CTNND2: variants seen among roughly 807,000 people sequenced by gnomAD.
CTNND2 encodes catenin delta-2.
CTNND2 carries 22 observed loss-of-function variants against 144.4 expected under a neutral mutation model. That is an observed-to-expected ratio of 0.15 (90% CI 0.11 to 0.22). The LOEUF is 0.22. Among genes scored for constraint, CTNND2 ranks in the 10% least tolerant of loss-of-function variants. The pLI, the probability that CTNND2 is intolerant of heterozygous loss-of-function variation, is 1.00. For missense variants in CTNND2, 1,353 were observed against 1,618.8 expected, an observed-to-expected ratio of 0.84 and a Z score of 2.82; for synonymous variants, 751 against 695.6, an observed-to-expected ratio of 1.08 and a Z score of -1.25.
At chr5:11,894,171 G>T (rs1737212270) in intron 1 of CTNND2, among the ~76,000 whole-genome samples, 1 of 151,996 alleles carries the variant, frequency 6.6e-6, no homozygotes, top group Non-Finnish European at 1.5e-5. Context: ...TTCTGATAAA[G>T]CCTCACAGGT....
chr5:11,527,071 G>A (rs182431391), intron 3 of CTNND2, among the ~76,000 whole-genome samples: 5 of 152,136 alleles, frequency 3.3e-5, no homozygotes, highest in Non-Finnish European at 4.4e-5. Flanking sequence ...AGGTGGGGTT[G>A]GGGGAGAGCA....
At chr5:11,698,131 G>A (rs557129538) in intron 2 of CTNND2, among the ~76,000 whole-genome samples, 15 of 152,226 alleles carry the variant, frequency 9.9e-5, no homozygotes, top group African/African-American at 3.6e-4. Context: ...AGGTGGCTTA[G>A]ACCAGAGTAA....
rs376879015 is a variant in CTNND2, at chr5:10,992,538, G to A, written c.3211+13C>T. The A allele has an allele frequency of 1.6e-5, 26 of 1,613,508 alleles. No homozygotes were observed. In the East Asian group the frequency reaches 2.7e-4, roughly 17 times the overall value. ...AAATAAAGCCTGGCTGGCTAGCCAC[G>A]GCAGCCTCTTACCTGAGCGGTTGTT... On this transcript the variant is annotated intron_variant, in intron 19 of 21. Transcript: ENST00000304623.
intron 11 of CTNND2, among the ~76,000 whole-genome samples, chr5:11,170,379 T>A (rs1759775777): frequency 6.6e-6 from 1 of 152,210 alleles, no homozygotes; most frequent in Non-Finnish European, 1.5e-5. Context: ...AACATTCAGT[T>A]TTATATGTTT....
intron 1 of CTNND2, among the ~76,000 whole-genome samples, chr5:11,827,244 AAGTC>A (rs2126954103): frequency 6.6e-6 from 1 of 152,308 alleles, no homozygotes; most frequent in African/African-American, 2.4e-5. Context: ...TCAAAGAAGA[AAGTC>A]AAAGCGAGAT....
chr5:11,693,477 T>G (rs938823106), intron 2 of CTNND2, among the ~76,000 whole-genome samples: 3 of 152,244 alleles, frequency 2.0e-5, no homozygotes, highest in African/African-American at 7.2e-5. Context: ...TATTTTGTTT[T>G]GTTTTGTTTT....
intron 1 of CTNND2, among the ~76,000 whole-genome samples, chr5:11,801,220 T>C (rs977840602): frequency 2.6e-5 from 4 of 152,210 alleles, no homozygotes; most frequent in African/African-American, 4.8e-5. Flanking sequence ...TGGAGGTTTT[T>C]TGTAAGTTTG....
intron 2 of CTNND2, among the ~76,000 whole-genome samples, chr5:11,723,779 G>A (rs550929876): frequency 2.6e-5 from 4 of 152,236 alleles, no homozygotes; most frequent in African/African-American, 9.6e-5. Flanking sequence ...TTATTGGGCC[G>A]GGCGTGGTGG....
At chr5:11,521,855 A>G (rs1341405562) in intron 3 of CTNND2, among the ~76,000 whole-genome samples, 1 of 152,348 alleles carries the variant, frequency 6.6e-6, no homozygotes, top group East Asian at 1.9e-4. Context: ...TTTGCATTCT[A>G]TTACAATGAC....
At chr5:11,090,195 A>G (rs527778372) in intron 15 of CTNND2, among the ~76,000 whole-genome samples, 2 of 152,288 alleles carry the variant, frequency 1.3e-5, no homozygotes, top group East Asian at 3.9e-4. Context: ...GCATGTCCGG[A>G]GCCACCATAG....
chr5:11,049,858 G>A (rs1396280941), intron 16 of CTNND2, among the ~76,000 whole-genome samples: 3 of 152,136 alleles, frequency 2.0e-5, no homozygotes, highest in Non-Finnish European at 4.4e-5. Context: ...TACTAACTTT[G>A]TAAGCCACAA....
At chr5:11,792,215 T>C (rs1249878398) in intron 1 of CTNND2, among the ~76,000 whole-genome samples, 1 of 152,288 alleles carries the variant, frequency 6.6e-6, no homozygotes, top group Non-Finnish European at 1.5e-5. Context: ...GAACTGATAA[T>C]AATTATTGCA....
chr5:10,973,179 T>C lies in CTNND2; in HGVS notation c.*274A>G. On this transcript the variant is annotated 3_prime_UTR_variant, in exon 22 of 22. Coordinates refer to ENST00000304623, the MANE Select transcript of CTNND2 (RefSeq NM_001332.4). This position sits in a 1 kb window ranked among gnomAD's most constrained non-coding sequence, Gnocchi z 5.6. Reference sequence around the variant, plus strand: ...CTCCTCCCATCAACCACGTTCAGTATAAAGCACTTCTCGTTACTCTACAGC... The same window carrying C: ...CTCCTCCCATCAACCACGTTCAGTACAAAGCACTTCTCGTTACTCTACAGC... 1 of 355,708 alleles carries C rather than the reference T, an allele frequency of 2.8e-6. No individual in the cohort carries two copies. The highest frequency in any genetic ancestry group is 2.1e-5 in the African/African-American group (1 of 48,240). 22.0% of individuals were successfully genotyped at this position (355,708 alleles called of 1,614,324 possible).
chr5:11,304,008 GC>G (rs1253045231), intron 9 of CTNND2, among the ~76,000 whole-genome samples: 2 of 151,964 alleles, frequency 1.3e-5, no homozygotes, highest in Admixed American at 1.3e-4. Flanking sequence ...TCTCTCTCTT[GC>G]CTGCCGCCAT....
At chr5:11,040,746 G>C (rs1025730977) in intron 16 of CTNND2, among the ~76,000 whole-genome samples, 2 of 152,148 alleles carry the variant, frequency 1.3e-5, no homozygotes, top group East Asian at 3.8e-4. Context: ...AATGAGGCAA[G>C]CAACTAATAT....
At chr5:11,524,173 T>C (rs1283707424) in intron 3 of CTNND2, among the ~76,000 whole-genome samples, 1 of 152,056 alleles carries the variant, frequency 6.6e-6, no homozygotes, top group Non-Finnish European at 1.5e-5. Flanking sequence ...ACCCCACACT[T>C]GCCCCACCTG....
At chr5:11,406,943 ATAAT>A (rs1761147101) in intron 5 of CTNND2, among the ~76,000 whole-genome samples, 2 of 152,188 alleles carry the variant, frequency 1.3e-5, no homozygotes, top group South Asian at 4.1e-4. Flanking sequence ...TACAGAAAAA[ATAAT>A]TACTATTGCA....
At chr5:11,076,264 T>C (rs1748939975) in intron 16 of CTNND2, among the ~76,000 whole-genome samples, 1 of 152,204 alleles carries the variant, frequency 6.6e-6, no homozygotes, top group South Asian at 2.1e-4. Flanking sequence ...AAGGTGGGCT[T>C]TGAATGGTGG....
chr5:11,480,644 A>ATGTGTGTGTGTGTGTGTGTGTGTG (rs112150074), intron 3 of CTNND2, among the ~76,000 whole-genome samples: 1 of 138,024 alleles, frequency 7.2e-6, no homozygotes, highest in African/African-American at 2.7e-5. Context: ...GAAAATACAT[A>ATGTGTGTGTGTGTGTGTGTGTGTG]TATGTGTGTG....
Sources: allele counts gnomAD v4.1 joint callset (sites outside exome capture counted in the v4.1 genomes callset), GRCh38; gene constraint gnomAD v4.1.1; non-coding constraint Gnocchi (gnomAD v3.1); transcripts MANE v1.5; gene names NCBI Gene and HGNC (gene_info 2026-07-23, HGNC 2026-07-21).